ZSWIM5: variants seen among roughly 807,000 people sequenced by gnomAD.
ZSWIM5 encodes the protein zinc finger SWIM domain-containing protein 5.
Under a neutral mutation model 119.6 loss-of-function variants are expected in ZSWIM5, and 55 were observed. The observed-to-expected ratio is 0.46, with a 90% CI of 0.37 to 0.58. The LOEUF is 0.58. Among genes scored for constraint, ZSWIM5 ranks in the 20% least tolerant of loss-of-function variants. ZSWIM5 has a pLI of 0.00. For missense variants in ZSWIM5, 1,193 were observed against 1,512.8 expected, an observed-to-expected ratio of 0.79 and a Z score of 3.51; for synonymous variants, 537 against 606.9, an observed-to-expected ratio of 0.88 and a Z score of 1.69.
intron 1 of ZSWIM5, among the ~76,000 whole-genome samples, chr1:45,107,076 C>T (rs1015455017): frequency 2.6e-5 from 4 of 152,132 alleles, no homozygotes; most frequent in South Asian, 4.1e-4. Flanking sequence ...CAAACAGGGC[C>T]GAAGGCCACA....
chr1:45,180,877 T>A lies in ZSWIM5; in HGVS notation c.595+24879A>T, dbSNP rs530110653. Among the ~76,000 whole-genome samples the A allele has an allele frequency of 3.0e-4, 45 of 152,220 alleles. 1 individual carries two copies. The highest frequency in any genetic ancestry group is 1.1e-3 in the African/African-American group (45 of 41,554). On this transcript the variant is annotated intron_variant, in intron 1 of 13. Coordinates refer to ENST00000359600, the MANE Select transcript of ZSWIM5 (RefSeq NM_020883.2). ...AACAGACCTGCAGCTGAGGGTCCTG[T>A]CTGTTAGAAGGAAAACTAACAAACA...
chr1:45,197,732 C>A (rs1431725186), intron 1 of ZSWIM5, among the ~76,000 whole-genome samples: 1 of 152,156 alleles, frequency 6.6e-6, no homozygotes, highest in East Asian at 1.9e-4. Context: ...AAGATAAACT[C>A]ATACTAACTT....
At chr1:45,119,209 T>C (rs1645577016) in intron 1 of ZSWIM5, among the ~76,000 whole-genome samples, 2 of 152,114 alleles carry the variant, frequency 1.3e-5, no homozygotes, top group African/African-American at 4.8e-5. Context: ...ACCATTTTTT[T>C]CCACCCATTC....
At position 45,019,237 on chromosome 1, in the gene ZSWIM5, G is replaced by A. The variant is rs1644873048; in HGVS notation, c.2775C>T (p.Ala925=). The A allele has an allele frequency of 6.2e-7, 1 of 1,613,754 alleles. No homozygotes were observed. The highest frequency in any genetic ancestry group is 2.2e-5 in the East Asian group (1 of 44,880). Residue 925 remains alanine, a synonymous_variant, in exon 14 of 14, where the codon GCC becomes GCT. Transcript: ENST00000359600. This position sits in a 1 kb window ranked among gnomAD's most constrained non-coding sequence, Gnocchi z 5.0. Reference sequence around the variant, plus strand: ...GGATAGTGGTGTGGGATACGGCTGTGGCAGCTACAATACTAGTAGCCTCAG... The same window carrying A: ...GGATAGTGGTGTGGGATACGGCTGTAGCAGCTACAATACTAGTAGCCTCAG... ...TPTEATSIVA[A]TAVSHTTILR... is the part of the protein sequence containing the mutation.
chr1:45,129,706 T>C (rs1288094658), intron 1 of ZSWIM5, among the ~76,000 whole-genome samples: 4 of 152,074 alleles, frequency 2.6e-5, no homozygotes. Flanking sequence ...ATGATACAAC[T>C]AAATGTCCAC....
At chr1:45,030,152 C>T (rs184460844) in intron 11 of ZSWIM5, among the ~76,000 whole-genome samples, 43 of 152,200 alleles carry the variant, frequency 2.8e-4, no homozygotes, top group Non-Finnish European at 4.6e-4. Context: ...CTATGTTGCC[C>T]AGGCTGGTCT....
intron 1 of ZSWIM5, among the ~76,000 whole-genome samples, chr1:45,202,919 A>G (rs1646166453): frequency 6.6e-6 from 1 of 152,034 alleles, no homozygotes; most frequent in Non-Finnish European, 1.5e-5. Context: ...GTATTTTCCC[A>G]AAGTTTATAC....
Position 45,089,664 on chromosome 1 carries a change from A to G in ZSWIM5, c.596-1427T>C, listed in dbSNP as rs149995645. Among the ~76,000 whole-genome samples the G allele has an allele frequency of 1.6e-4, 24 of 152,340 alleles. No homozygotes were observed. In the East Asian group the frequency reaches 4.2e-3, roughly 27 times the overall value. ...CATTACCTCTAAAAGGTGCCACAACAAAGTTCTTATCAAAACCCACAGACA... is the reference window on the plus strand; with the variant it reads ...CATTACCTCTAAAAGGTGCCACAACGAAGTTCTTATCAAAACCCACAGACA... On this transcript the variant is annotated intron_variant, in intron 1 of 13. Coordinates refer to ENST00000359600, the MANE Select transcript of ZSWIM5 (RefSeq NM_020883.2).
At chr1:45,139,161 T>C (rs1645708992) in intron 1 of ZSWIM5, among the ~76,000 whole-genome samples, 2 of 151,792 alleles carry the variant, frequency 1.3e-5, no homozygotes, top group South Asian at 2.1e-4. Context: ...AGATTACAGG[T>C]GTGAGCCACC....
At chr1:45,145,357 A>C (rs1364419647) in intron 1 of ZSWIM5, among the ~76,000 whole-genome samples, 1 of 152,222 alleles carries the variant, frequency 6.6e-6, no homozygotes, top group Non-Finnish European at 1.5e-5. Context: ...AAAAAAAAAA[A>C]AAACTGGTTA....
intron 5 of ZSWIM5, among the ~76,000 whole-genome samples, chr1:45,049,682 C>T (rs1274602121): frequency 6.6e-6 from 1 of 152,042 alleles, no homozygotes; most frequent in East Asian, 1.9e-4. Context: ...GGTGTGGTGG[C>T]CCACGCCTGT....
chr1:45,068,882 C>T (rs1244940543), intron 2 of ZSWIM5, among the ~76,000 whole-genome samples: 1 of 144,354 alleles, frequency 6.9e-6, no homozygotes, highest in Non-Finnish European at 1.5e-5. Context: ...CTTGCTGCAG[C>T]CTCAAACTCC....
At chr1:45,081,117 AG>A (rs1163647404) in intron 2 of ZSWIM5, among the ~76,000 whole-genome samples, 1 of 152,228 alleles carries the variant, frequency 6.6e-6, no homozygotes, top group Non-Finnish European at 1.5e-5. Flanking sequence ...AAGATTTAGC[AG>A]GGAACAGAAA....
chr1:45,142,018 A>C (rs1645730619), intron 1 of ZSWIM5, among the ~76,000 whole-genome samples: 1 of 152,046 alleles, frequency 6.6e-6, no homozygotes, highest in Admixed American at 6.6e-5. Flanking sequence ...AAGCCAGCCA[A>C]GGCAACATGG....
At chr1:45,037,108 CTTTTT>C (rs57405864) in intron 8 of ZSWIM5, among the ~76,000 whole-genome samples, 1 of 90,604 alleles carries the variant, frequency 1.1e-5, no homozygotes, top group Non-Finnish European at 2.2e-5. Flanking sequence ...GCCCCACCTC[CTTTTT>C]TTTTTTTTTT....
Position 45,057,379 on chromosome 1 carries a change from G to T in ZSWIM5, c.1252+1230C>A, listed in dbSNP as rs1379097871. Among the ~76,000 whole-genome samples, 1 of 152,208 alleles carries T rather than the reference G, an allele frequency of 6.6e-6. No homozygotes were observed. Among genetic ancestry groups the T allele is most frequent in the African/African-American group, 2.4e-5 (1 of 41,452 alleles). On this transcript the variant is annotated intron_variant, in intron 4 of 13. Coordinates refer to ENST00000359600, the MANE Select transcript of ZSWIM5 (RefSeq NM_020883.2). This position sits in a 1 kb window ranked among gnomAD's most constrained non-coding sequence, Gnocchi z 4.7. ...CAAGAGTTTTTCATAATGAACCCAA[G>T]TATATAACAAGAGTTTCAAAAGCAC... is the stretch of plus-strand genomic sequence containing the variant.
chr1:45,182,734 C>A (rs1478800353), intron 1 of ZSWIM5, among the ~76,000 whole-genome samples: 2 of 151,956 alleles, frequency 1.3e-5, no homozygotes, highest in Non-Finnish European at 2.9e-5. Context: ...TACAGGAGCA[C>A]CCAGATTCAT....
In ZSWIM5 at chr1:45,144,763, A is replaced by C. The variant is rs1645750878; in HGVS notation, c.596-56526T>G. ...CTTTGTGACCTGGGATTAGGCAAAG[A>C]GTTTTTATACATGTAACCAAAAGCA... On this transcript the variant is annotated intron_variant, in intron 1 of 13. Transcript: ENST00000359600. 2.0e-5 allele frequency among the ~76,000 whole-genome samples: 3 copies of C among 152,214 alleles called. No individual in the cohort carries two copies. The South Asian group carries it at 6.2e-4, about 32-fold the overall frequency.
At chr1:45,182,607 G>T (rs1049139479) in intron 1 of ZSWIM5, among the ~76,000 whole-genome samples, 37 of 151,988 alleles carry the variant, frequency 2.4e-4, no homozygotes, top group African/African-American at 7.7e-4. Context: ...TCCTAGTCTC[G>T]GATAAAACAG....
Sources: allele counts gnomAD v4.1 joint callset (sites outside exome capture counted in the v4.1 genomes callset), GRCh38; gene constraint gnomAD v4.1.1; non-coding constraint Gnocchi (gnomAD v3.1); transcripts MANE v1.5; gene names NCBI Gene and HGNC (gene_info 2026-07-23, HGNC 2026-07-21).